The following TAF15 variants were observed in gnomAD, a reference collection of about 807,000 sequenced individuals.
TAF15 encodes the protein TATA-binding protein-associated factor 2N.
Under a neutral mutation model 102.5 loss-of-function variants are expected in TAF15, and 37 were observed. That is an observed-to-expected ratio of 0.36 (90% CI 0.28 to 0.47). The LOEUF is 0.47. TAF15 is among the 20% of genes least tolerant of loss of function. TAF15 has a pLI of 0.99. For missense variants in TAF15, 652 were observed against 760.7 expected (o/e 0.86, Z 1.68); for synonymous variants, 273 against 259.2 (o/e 1.05, Z -0.51).
At chr17:35,840,147 C>A (rs2087526509) in intron 11 of TAF15, among the ~76,000 whole-genome samples, 1 of 151,964 alleles carries the variant, frequency 6.6e-6, no homozygotes, top group East Asian at 1.9e-4. Flanking sequence ...CTACTCTTTC[C>A]AAAGTACTTA....
rs140961224 is a variant in TAF15 at position 35,822,816 on chromosome 17, A to G, written c.467A>G (p.Tyr156Cys). 79 of 1,614,058 alleles carry G rather than the reference A, an allele frequency of 4.9e-5. No homozygotes were observed. Among genetic ancestry groups the G allele is most frequent in the Non-Finnish European group, 6.3e-5 (74 of 1,180,024 alleles). The change falls in exon 6 of 16, where the codon TAC (tyrosine) becomes TGC (cysteine). Residue 156 changes from tyrosine to cysteine, a missense_variant. Physicochemically the swap from Tyr to Cys is radical, Grantham distance 194 (BLOSUM62 -2). This residue lies in a region of TAF15 where 243 missense variants were observed against 284.1 expected (regional missense o/e 0.86). Transcript: ENST00000605844. ...TCCTATCATTCACAAAGGGAAAACT[A>G]CAGCCACCACACACAAGGTAAGATT... ...QQSYHSQREN[Y>C]SHHTQDDRRD...
intron 2 of TAF15, among the ~76,000 whole-genome samples, chr17:35,819,327 C>T (rs1191825004): frequency 6.6e-6 from 1 of 152,138 alleles, no homozygotes. Context: ...AGTATAGATT[C>T]AGAAAGTTTG....
chr17:35,842,480 A>C (rs748838022), intron 12 of TAF15, 21 bp downstream of exon 12: 7 of 1,572,454 alleles, frequency 4.5e-6, no homozygotes, highest in Admixed American at 3.3e-5. Flanking sequence ...TGCTGCGTAC[A>C]GTCCTGGATA....
intron 11 of TAF15, among the ~76,000 whole-genome samples, chr17:35,842,138 GT>G (rs957698339): frequency 2.7e-5 from 4 of 147,708 alleles, no homozygotes; most frequent in Admixed American, 6.8e-5. Context: ...TTTTGTTTTT[GT>G]TTTTTTTTTA....
chr17:35,839,352 A>G (rs1431810480), intron 11 of TAF15, among the ~76,000 whole-genome samples: 1 of 144,764 alleles, frequency 6.9e-6, no homozygotes, highest in Non-Finnish European at 1.5e-5. Flanking sequence ...AAGTTAATAC[A>G]TACTTAGAAG....
intron 10 of TAF15, among the ~76,000 whole-genome samples, chr17:35,837,974 G>T (rs2087496514): frequency 6.6e-6 from 1 of 151,626 alleles, no homozygotes; most frequent in Non-Finnish European, 1.5e-5. Flanking sequence ...GATCGCTTGA[G>T]GCCAAGGGTT....
chr17:35,839,928 C>G (rs1241924657), intron 11 of TAF15, among the ~76,000 whole-genome samples: 1 of 152,120 alleles, frequency 6.6e-6, no homozygotes, highest in Admixed American at 6.5e-5. Context: ...CTAACACTTA[C>G]TGCATGTTTA....
chr17:35,842,627 T>C lies in TAF15; in HGVS notation c.1006+168T>C, dbSNP rs547732853. Among the ~76,000 whole-genome samples the C allele has an allele frequency of 1.2e-4, 18 of 152,348 alleles. No individual in the cohort carries two copies. The South Asian group carries it at 2.1e-3, about 18-fold the overall frequency. On this transcript the variant is annotated intron_variant, in intron 12 of 15. Coordinates refer to ENST00000605844, the MANE Select transcript of TAF15 (RefSeq NM_139215.3). ...CTGAATATATTAGGTAAATGAGATATCGTAATAGCTAAGAAAGTAGTGGGA... is the reference window on the plus strand; with the variant it reads ...CTGAATATATTAGGTAAATGAGATACCGTAATAGCTAAGAAAGTAGTGGGA...
At chr17:35,809,632 G>A (rs766953647) in intron 1 of TAF15, 56 bp downstream of exon 1, 83 of 1,611,592 alleles carry the variant, frequency 5.2e-5, no homozygotes, top group Non-Finnish European at 6.7e-5. Context: ...GGCGGGGTTG[G>A]GCTGTCTTCC....
intron 2 of TAF15, 114 bp from the exon 3 acceptor site, chr17:35,819,910 T>A (rs1234772128): frequency 1.1e-6 from 1 of 920,546 alleles, no homozygotes; most frequent in Non-Finnish European, 1.7e-6. Context: ...GATTGATGAT[T>A]TCTCAGCAAA....
rs1279899728 is a variant in TAF15, at chr17:35,819,876, C to G, written c.48-148C>G. 10 of 730,522 alleles carry G rather than the reference C, an allele frequency of 1.4e-5. No individual in the cohort carries two copies. In the Admixed American group the frequency reaches 2.2e-4, roughly 16 times the overall value. The allele number at this position is 730,522 out of a possible 1,614,324, so 45.3% of individuals were successfully genotyped here. On this transcript the variant is annotated intron_variant, in intron 2 of 15. Coordinates refer to ENST00000605844, the MANE Select transcript of TAF15 (RefSeq NM_139215.3). ...TTAACAGTCTTTGATCGTCACCTTT[C>G]AATTTAGACTCTAGAGACAGGGAGA...
At chr17:35,842,882 G>A (rs1219867223) in intron 12 of TAF15, among the ~76,000 whole-genome samples, 3 of 151,946 alleles carry the variant, frequency 2.0e-5, no homozygotes, top group East Asian at 1.9e-4. Flanking sequence ...ACAGGCGTGC[G>A]CCACCATGTC....
At chr17:35,811,495 A>G (rs1026401490) in intron 1 of TAF15, 1 of 152,228 alleles carries the variant, frequency 6.6e-6, no homozygotes, top group Non-Finnish European at 1.5e-5. Flanking sequence ...TTTTGTAATA[A>G]GTGTATAAAA....
At chr17:35,843,951 T>A in intron 12 of TAF15, 126 bp from the exon 13 acceptor site, 1 of 871,096 alleles carries the variant, frequency 1.1e-6, no homozygotes, top group Non-Finnish European at 2.0e-6. Flanking sequence ...AGTCCTGGTA[T>A]AAGGGGTTAA....
At position 35,841,785 on chromosome 17, in the gene TAF15, A is replaced by G. The variant is rs551702484; in HGVS notation, c.914-582A>G. ...CGAAGATAGCTCACTGCAGCCTTGA[A>G]TTCCCAGGCTCAAGTAATCCTCCTG... is the stretch of plus-strand genomic sequence containing the variant. On this transcript the variant is annotated intron_variant, in intron 11 of 15. Coordinates refer to ENST00000605844, the MANE Select transcript of TAF15 (RefSeq NM_139215.3). Among the ~76,000 whole-genome samples the G allele has an allele frequency of 5.9e-5, 9 of 151,690 alleles. No individual in the cohort carries two copies. In the East Asian group the frequency reaches 1.7e-3, roughly 29 times the overall value.
chr17:35,838,721 CGTT>C (rs1379038618), intron 11 of TAF15, among the ~76,000 whole-genome samples, 168 bp downstream of exon 11: 2 of 152,142 alleles, frequency 1.3e-5, no homozygotes, highest in Non-Finnish European at 2.9e-5. Flanking sequence ...TGAGCTCTAT[CGTT>C]GTTGGTCTAG....
chr17:35,832,737 T>TAAAGGATTA lies in TAF15; in HGVS notation c.606-1170_606-1169insAAAGGATTA, dbSNP rs551558358. ...TATGAATCTTAAAGGATTACAGAATTCAGTTAAGAGAAACAAGCTTTTATT... is the reference window on the plus strand; with the variant it reads ...TATGAATCTTAAAGGATTACAGAATTAAAGGATTACAGTTAAGAGAAACAAGCTTTTATT... On this transcript the variant is annotated intron_variant, in intron 7 of 15. Transcript: ENST00000605844. Among the ~76,000 whole-genome samples, 601 of 152,294 alleles carry TAAAGGATTA rather than the reference T, an allele frequency of 3.9e-3. 7 individuals carry two copies. The highest frequency in any genetic ancestry group is 0.014 in the African/African-American group (572 of 41,566).
rs1389843031 is a variant in TAF15, at chr17:35,836,128, T to C, written c.674-4T>C. 1.2e-6 allele frequency: 2 copies of C among 1,605,416 alleles called. No individual in the cohort carries two copies. Among genetic ancestry groups the C allele is most frequent in the Non-Finnish European group, 1.7e-6 (2 of 1,172,290 alleles). On this transcript the variant is annotated splice_region_variant and splice_polypyrimidine_tract_variant and intron_variant, in intron 9 of 15. Coordinates refer to ENST00000605844, the MANE Select transcript of TAF15 (RefSeq NM_139215.3). The stretch of plus-strand genomic sequence containing the variant: ...AAAATTAACCATCACTTTTTTTCTC[T>C]TAGATTCAGAATCTGATAATTCAGA...
chr17:35,815,291 G>A (rs1212816055), intron 1 of TAF15, among the ~76,000 whole-genome samples: 2 of 152,168 alleles, frequency 1.3e-5, no homozygotes, highest in African/African-American at 4.8e-5. Context: ...AAGCACAATT[G>A]TCAAATAATC....
Sources: gnomAD v4.1 joint callset for allele counts (sites outside exome capture counted in the v4.1 genomes callset) on GRCh38, gnomAD v4.1.1 for gene constraint, gnomAD v4.1.1 regional missense constraint, MANE v1.5 for transcripts, NCBI Gene and HGNC (gene_info 2026-07-23, HGNC 2026-07-21) for gene names.